Variants in NUBPL observed in about 807,000 individuals in gnomAD.
NUBPL encodes NUBP iron-sulfur cluster assembly factor, mitochondrial.
In NUBPL, 31 loss-of-function variants were observed where a neutral mutation model predicts 45.7. That is an observed-to-expected ratio of 0.68 (90% CI 0.51 to 0.92). The LOEUF (loss-of-function observed/expected upper bound fraction) is 0.92. Among genes scored for constraint, NUBPL ranks in the 40% least tolerant of loss-of-function variants. The pLI, the probability that NUBPL is intolerant of heterozygous loss-of-function variation, is 0.00. For missense variants in NUBPL, 401 were observed against 398.7 expected (o/e 1.01, Z -0.05); for synonymous variants, 144 against 140.9 (o/e 1.02, Z -0.15).
At chr14:31,754,462 G>A (rs1203007432) in intron 6 of NUBPL, among the ~76,000 whole-genome samples, 1 of 151,968 alleles carries the variant, frequency 6.6e-6, no homozygotes, top group Non-Finnish European at 1.5e-5. Context: ...TAAATGTAGA[G>A]TATGGAAAAT....
chr14:31,703,355 A>G (rs1161552175), intron 6 of NUBPL, among the ~76,000 whole-genome samples: 1 of 152,202 alleles, frequency 6.6e-6, no homozygotes, highest in Non-Finnish European at 1.5e-5. Flanking sequence ...GGGAAATTGT[A>G]CACATGCCCA....
chr14:31,573,098 A>G (rs1479889871), intron 3 of NUBPL, among the ~76,000 whole-genome samples: 3 of 152,196 alleles, frequency 2.0e-5, no homozygotes, highest in Admixed American at 1.3e-4. Flanking sequence ...TTGTACAAGT[A>G]GCACAGTAGG....
chr14:31,701,846 A>G (rs11621253), intron 6 of NUBPL, among the ~76,000 whole-genome samples: 44,139 of 152,160 alleles, frequency 0.29, 7,409 homozygotes, highest in South Asian at 0.41. Flanking sequence ...TCCAGACACA[A>G]TAGTTTCACC....
At chr14:31,674,137 T>C (rs2036637886) in intron 6 of NUBPL, among the ~76,000 whole-genome samples, 1 of 152,228 alleles carries the variant, frequency 6.6e-6, no homozygotes, top group Non-Finnish European at 1.5e-5. Context: ...GGCTATATGT[T>C]ATTTATAGTT....
intron 7 of NUBPL, among the ~76,000 whole-genome samples, chr14:31,804,708 G>A (rs1286138169): frequency 6.6e-6 from 1 of 152,150 alleles, no homozygotes; most frequent in Non-Finnish European, 1.5e-5. Context: ...TTTAATCAAT[G>A]TTGCTGGGAT....
intron 6 of NUBPL, chr14:31,703,302 G>C (rs556765172): frequency 6.6e-6 from 1 of 152,642 alleles, no homozygotes; most frequent in East Asian, 1.9e-4. Flanking sequence ...TGCATCCATA[G>C]TGCCCTTCTT....
intron 6 of NUBPL, among the ~76,000 whole-genome samples, chr14:31,709,040 C>G (rs1312020659): frequency 1.3e-5 from 2 of 152,202 alleles, no homozygotes; most frequent in Non-Finnish European, 2.9e-5. Flanking sequence ...TGCGGTCTTT[C>G]TCTGATCTTG....
chr14:31,837,719 T>A (rs2040304482), intron 8 of NUBPL, among the ~76,000 whole-genome samples: 1 of 151,908 alleles, frequency 6.6e-6, no homozygotes, highest in Non-Finnish European at 1.5e-5. Flanking sequence ...TATAATCAAT[T>A]GAAAAAATAG....
chr14:31,854,875 G>T (rs80291372), intron 10 of NUBPL, among the ~76,000 whole-genome samples: 14,953 of 152,216 alleles, frequency 0.098, 937 homozygotes, highest in Non-Finnish European at 0.14. Flanking sequence ...AACTGCACTG[G>T]CTAAAAAATT....
At chr14:31,753,975 CA>C (rs201659755) in intron 6 of NUBPL, among the ~76,000 whole-genome samples, 1 of 152,004 alleles carries the variant, frequency 6.6e-6, no homozygotes, top group Non-Finnish European at 1.5e-5. Context: ...GTTCTCTCTA[CA>C]AAAAATGGTA....
intron 3 of NUBPL, among the ~76,000 whole-genome samples, chr14:31,592,434 T>C (rs904174163): frequency 6.6e-6 from 1 of 152,194 alleles, no homozygotes; most frequent in South Asian, 2.1e-4. Flanking sequence ...ATCTGACTTA[T>C]GTTTCATCTG....
chr14:31,755,305 A>C (rs2038633943), intron 6 of NUBPL, among the ~76,000 whole-genome samples: 1 of 152,166 alleles, frequency 6.6e-6, no homozygotes. Context: ...ACCAGTTTAC[A>C]GTCCCACCAA....
intron 3 of NUBPL, among the ~76,000 whole-genome samples, chr14:31,579,673 G>T (rs1292242610): frequency 6.6e-6 from 1 of 152,148 alleles, no homozygotes; most frequent in Non-Finnish European, 1.5e-5. Context: ...TTCTTATTTT[G>T]CAGACATCTC....
At chr14:31,594,672 T>A (rs967007324) in intron 3 of NUBPL, among the ~76,000 whole-genome samples, 2 of 152,214 alleles carry the variant, frequency 1.3e-5, no homozygotes, top group Non-Finnish European at 2.9e-5. Context: ...TGTTAACCAT[T>A]AGCTCTTCTG....
At chr14:31,693,658 C>A (rs1054195109) in intron 6 of NUBPL, among the ~76,000 whole-genome samples, 1 of 151,964 alleles carries the variant, frequency 6.6e-6, no homozygotes, top group Non-Finnish European at 1.5e-5. Context: ...TTATTAATTT[C>A]TTTTTATGAT....
chr14:31,577,962 C>G (rs920357277), intron 3 of NUBPL: 9 of 1,288,982 alleles, frequency 7.0e-6, no homozygotes, highest in African/African-American at 3.0e-5. Flanking sequence ...TTCACAAGGT[C>G]GGGGACTGCG....
At position 31,710,356 on chromosome 14, in the gene NUBPL, A is replaced by G. The variant is rs535706323; in HGVS notation, c.513+36782A>G. Among the ~76,000 whole-genome samples the G allele has an allele frequency of 2.2e-4, 33 of 151,270 alleles. 1 individual carries two copies. The Middle Eastern group carries it at 0.01, about 47-fold the overall frequency. ...ACTCACCGATGCAGCAGCAGAAACA[A>G]CCCCTGCCCAAGAACCCACAACAAT... On this transcript the variant is annotated intron_variant, in intron 6 of 10. Transcript: ENST00000281081.
intron 4 of NUBPL, among the ~76,000 whole-genome samples, chr14:31,628,196 TG>T (rs1463708554): frequency 1.3e-5 from 2 of 152,250 alleles, no homozygotes; most frequent in Non-Finnish European, 1.5e-5. Flanking sequence ...TGGCAAGTGT[TG>T]GTTTCTTAAA....
intron 4 of NUBPL, among the ~76,000 whole-genome samples, chr14:31,639,413 AAT>A (rs2035612286): frequency 6.6e-6 from 1 of 152,198 alleles, no homozygotes; most frequent in South Asian, 2.1e-4. Flanking sequence ...GTGAACCGCA[AAT>A]GCTGCTGTAT....
Sources: allele counts gnomAD v4.1 joint callset (sites outside exome capture counted in the v4.1 genomes callset), GRCh38; gene constraint gnomAD v4.1.1; transcripts MANE v1.5; gene names NCBI Gene and HGNC (gene_info 2026-07-23, HGNC 2026-07-21).